Variants in SH3RF3 observed in about 807,000 individuals in gnomAD.
The protein encoded by SH3RF3 is E3 ubiquitin-protein ligase SH3RF3.
A neutral mutation model predicts 66.3 loss-of-function variants in SH3RF3; 29 were observed. The observed-to-expected ratio is 0.44, with a 90% CI of 0.33 to 0.60. The LOEUF (loss-of-function observed/expected upper bound fraction) is 0.60, where lower values mean the gene tolerates loss of function less well. Ranked by LOEUF, SH3RF3 falls within the 20% of genes least tolerant of loss-of-function variation. The pLI is 0.04. For missense variants in SH3RF3, 1,194 were observed against 1,190.9 expected (o/e 1.00, Z -0.04); for synonymous variants, 583 against 532.0 (o/e 1.10, Z -1.32).
chr2:109,295,984 C>T (rs1681297573), intron 1 of SH3RF3, among the ~76,000 whole-genome samples: 1 of 152,238 alleles, frequency 6.6e-6, no homozygotes, highest in African/African-American at 2.4e-5. Context: ...TTCACTATAG[C>T]TTGGTTGGAG....
intron 4 of SH3RF3, among the ~76,000 whole-genome samples, chr2:109,410,650 A>G (rs1249189494): frequency 3.3e-5 from 5 of 152,242 alleles, no homozygotes; most frequent in African/African-American, 7.2e-5. Context: ...GAACTGGGCC[A>G]CTGCATGTCA....
At chr2:109,208,334 T>A (rs11678150) in intron 1 of SH3RF3, among the ~76,000 whole-genome samples, 45,753 of 152,206 alleles carry the variant, frequency 0.3, 7,734 homozygotes, top group Non-Finnish European at 0.39. Context: ...GCTCCATGGC[T>A]GCTTTGACCA....
At position 109,432,497 on chromosome 2, in the gene SH3RF3, G is replaced by T. The variant is rs373155741; in HGVS notation, c.1404-4G>T. ...CTGACACTGGCCCCATGCTTTGCCC[G>T]CAGGTACCTGGCGCTCTACGCCTAC... On this transcript the variant is annotated splice_polypyrimidine_tract_variant and splice_region_variant and intron_variant, in intron 5 of 9. Transcript: ENST00000309415. 2.5e-6 allele frequency: 4 copies of T among 1,612,914 alleles called. No individual in the cohort carries two copies. Among genetic ancestry groups the T allele is most frequent in the African/African-American group, 2.7e-5 (2 of 74,994 alleles).
At chr2:109,320,814 G>T (rs897483847) in intron 1 of SH3RF3, among the ~76,000 whole-genome samples, 1 of 152,216 alleles carries the variant, frequency 6.6e-6, no homozygotes, top group African/African-American at 2.4e-5. Flanking sequence ...ACATGGACAG[G>T]CAGAGTGGTC....
intron 1 of SH3RF3, among the ~76,000 whole-genome samples, chr2:109,322,860 C>T (rs1268122013): frequency 6.6e-6 from 1 of 152,184 alleles, no homozygotes; most frequent in Non-Finnish European, 1.5e-5. Flanking sequence ...TTATTGCTAT[C>T]AATTAAAGTT....
intron 3 of SH3RF3, among the ~76,000 whole-genome samples, chr2:109,393,861 T>C (rs1676068444): frequency 6.6e-6 from 1 of 151,196 alleles, no homozygotes; most frequent in African/African-American, 2.5e-5. Context: ...CATGACTGGC[T>C]TGCCAATCTT....
chr2:109,249,505 CTTTCATTCTTTCTTTTTCTTTCTTTCT>C (rs1680012245), intron 1 of SH3RF3, among the ~76,000 whole-genome samples: 1 of 43,280 alleles, frequency 2.3e-5, no homozygotes, highest in Non-Finnish European at 4.2e-5. Context: ...TTCTTTCTTT[CTTTCATTCTTTCTTTTTCTTTCTTTCT>C]TTCCTTCCTT....
chr2:109,345,680 C>A (rs1404581983), intron 1 of SH3RF3, among the ~76,000 whole-genome samples: 1 of 152,172 alleles, frequency 6.6e-6, no homozygotes, highest in Non-Finnish European at 1.5e-5. Context: ...TGAAAATACT[C>A]CCCTCATGAA....
At chr2:109,145,536 T>C (rs1408971893) in intron 1 of SH3RF3, among the ~76,000 whole-genome samples, 1 of 152,224 alleles carries the variant, frequency 6.6e-6, no homozygotes, top group Admixed American at 6.5e-5. Flanking sequence ...AAGGGGCTGC[T>C]TCCTCACACA....
chr2:109,380,525 G>A (rs144160418), intron 3 of SH3RF3, among the ~76,000 whole-genome samples: 350 of 152,356 alleles, frequency 2.3e-3, no homozygotes, highest in African/African-American at 7.7e-3. Flanking sequence ...GCTTGCAGCA[G>A]TTCTTGTATA....
At chr2:109,172,367 C>T (rs957862093) in intron 1 of SH3RF3, among the ~76,000 whole-genome samples, 16 of 152,228 alleles carry the variant, frequency 1.1e-4, no homozygotes, top group South Asian at 2.1e-4. Flanking sequence ...TCACCATGCA[C>T]GGAGCTCAGC....
chr2:109,304,147 C>T (rs1021236971), intron 1 of SH3RF3, among the ~76,000 whole-genome samples: 7 of 152,002 alleles, frequency 4.6e-5, no homozygotes, highest in Admixed American at 2.0e-4. Context: ...TTTAAGTAGA[C>T]AGTACAGTAT....
intron 1 of SH3RF3, among the ~76,000 whole-genome samples, chr2:109,138,139 C>T (rs373698536): frequency 1.6e-4 from 24 of 152,346 alleles, no homozygotes; most frequent in East Asian, 1.5e-3. Context: ...CCTCAGCCTC[C>T]CAAGTGGCTG....
intron 1 of SH3RF3, among the ~76,000 whole-genome samples, chr2:109,152,461 C>T (rs550267762): frequency 1.5e-4 from 23 of 152,344 alleles, no homozygotes; most frequent in South Asian, 8.3e-4. Context: ...AGCCTTGTTC[C>T]GGGTGCCTGA....
chr2:109,147,577 G>C (rs1463181796), intron 1 of SH3RF3, among the ~76,000 whole-genome samples: 1 of 152,210 alleles, frequency 6.6e-6, no homozygotes, highest in Non-Finnish European at 1.5e-5. Context: ...AAGAGGCCTA[G>C]TCAATTATTC....
At chr2:109,361,800 G>A (rs541490413) in intron 2 of SH3RF3, among the ~76,000 whole-genome samples, 1 of 152,282 alleles carries the variant, frequency 6.6e-6, no homozygotes, top group South Asian at 2.1e-4. Flanking sequence ...TCTTGTATGA[G>A]TTTTAGCAGA....
rs116357480 is a variant in SH3RF3, at chr2:109,320,496, T to C, written c.574-27178T>C. ...ACGTCTTCTTAACCAAGGCCAGTTA[T>C]ACCCTTTCATGCTCAAAGGGAGGCT... is the stretch of plus-strand genomic sequence containing the variant. On this transcript the variant is annotated intron_variant, in intron 1 of 9. Coordinates refer to ENST00000309415, the MANE Select transcript of SH3RF3 (RefSeq NM_001099289.3). 7.3e-3 allele frequency among the ~76,000 whole-genome samples: 1,108 copies of C among 152,300 alleles called. 14 individuals carry two copies. Among genetic ancestry groups the C allele is most frequent in the Middle Eastern group, 0.037 (11 of 294 alleles).
chr2:109,182,473 A>G (rs1678094442), intron 1 of SH3RF3, among the ~76,000 whole-genome samples: 2 of 152,214 alleles, frequency 1.3e-5, no homozygotes, highest in South Asian at 4.1e-4. Flanking sequence ...CTCAAACTAT[A>G]GTGTCCCAGA....
At chr2:109,270,085 G>A (rs935610876) in intron 1 of SH3RF3, among the ~76,000 whole-genome samples, 1 of 152,220 alleles carries the variant, frequency 6.6e-6, no homozygotes, top group African/African-American at 2.4e-5. Flanking sequence ...CTGCCGTGGG[G>A]CAGGGGCACC....
Sources: gnomAD v4.1 joint callset for allele counts (sites outside exome capture counted in the v4.1 genomes callset) on GRCh38, gnomAD v4.1.1 for gene constraint, MANE v1.5 for transcripts, NCBI Gene and HGNC (gene_info 2026-07-23, HGNC 2026-07-21) for gene names.